SEPTIN5: variants seen among roughly 807,000 people sequenced by gnomAD.
SEPTIN5 encodes the protein septin-5.
A neutral mutation model predicts 51.2 loss-of-function variants in SEPTIN5; 16 were observed. The observed-to-expected ratio is 0.31, with a 90% confidence interval of 0.21 to 0.47. The LOEUF (loss-of-function observed/expected upper bound fraction) is 0.47. Among genes scored for constraint, SEPTIN5 ranks in the 20% least tolerant of loss-of-function variants. The pLI is 0.99. For synonymous variants in SEPTIN5, 208 were observed against 191.2 expected (o/e 1.09, Z -0.72); for missense variants, 376 against 500.3 (o/e 0.75, Z 2.37).
rs1936053900 is a variant in SEPTIN5, at chr22:19,722,155, C to T, written c.951-82C>T. 2.4e-6 allele frequency: 3 copies of T among 1,226,622 alleles called. 1 individual carries two copies. The highest frequency in any genetic ancestry group is 5.1e-5 in the East Asian group (2 of 39,154). 76.0% of individuals were successfully genotyped at this position (1,226,622 alleles called of 1,614,324 possible). On this transcript the variant is annotated intron_variant, in intron 10 of 11. Transcript: ENST00000455784. ...CCGGAGGGCAGGGCCTCAGCAGTGG[C>T]GGGGATGGGCCAGGCATCGCCAGCC...
At position 19,722,225 on chromosome 22, in the gene SEPTIN5, C is replaced by A. The variant is rs554882435; in HGVS notation, c.951-12C>A. The A allele has an allele frequency of 3.8e-6, 6 of 1,567,806 alleles. No homozygotes were observed. Among genetic ancestry groups the A allele is most frequent in the East Asian group, 2.3e-5 (1 of 43,466 alleles). ...GCGCCGCCCCGCCCATCCTCCCCCC[C>A]GCCCCGCGCAGCAAACTGACCCAGG... On this transcript the variant is annotated splice_polypyrimidine_tract_variant and intron_variant, in intron 10 of 11. Transcript: ENST00000455784.
Position 19,722,517 on chromosome 22 carries a change from A to T in SEPTIN5, c.*33A>T. On this transcript the variant is annotated 3_prime_UTR_variant, in exon 12 of 12. Transcript: ENST00000455784. ...CGCGGACACACCGTCCGTCTCCGGGACGCCCTCGCACCCCTGGACACCAGA... is the reference window on the plus strand; with the variant it reads ...CGCGGACACACCGTCCGTCTCCGGGTCGCCCTCGCACCCCTGGACACCAGA... The T allele has an allele frequency of 6.4e-7, 1 of 1,563,630 alleles. No homozygotes were observed. The highest frequency in any genetic ancestry group is 8.7e-7 in the Non-Finnish European group (1 of 1,154,270).
At chr22:19,720,938 C>G in intron 8 of SEPTIN5, 69 bp downstream of exon 8, 1 of 1,382,904 alleles carries the variant, frequency 7.2e-7, no homozygotes, top group Admixed American at 1.7e-5. Flanking sequence ...GGCTTTGTCT[C>G]CTTCACATTG....
rs1173764952 is a variant in SEPTIN5, at chr22:19,714,740, C to T, written c.44-41C>T. On this transcript the variant is annotated intron_variant, in intron 1 of 11. Transcript: ENST00000455784. The surrounding 1 kb of genome is among the most constrained non-coding windows in gnomAD (Gnocchi z 5.2). ...CCCCGCCCGCCGGCCCGGACCCGCT[C>T]GGAACCGGACCCGGACTCGACCCCG... The T allele has an allele frequency of 1.9e-6, 3 of 1,582,274 alleles. No individual in the cohort carries two copies. The highest frequency in any genetic ancestry group is 2.6e-6 in the Non-Finnish European group (3 of 1,171,448).
chr22:19,717,517 CCT>C (rs1419362718), intron 2 of SEPTIN5: 7 of 352,980 alleles, frequency 2.0e-5, no homozygotes, highest in South Asian at 1.0e-4. Context: ...CACCCCCACC[CCT>C]GTCTCTGAGG....
intron 2 of SEPTIN5, chr22:19,719,014 ACG>A: frequency 2.0e-6 from 1 of 492,478 alleles, no homozygotes; most frequent in Non-Finnish European, 3.1e-6. Context: ...CGACTCCAAA[ACG>A]CGGCGGAGAA....
chr22:19,715,581 C>T (rs1935901321), intron 2 of SEPTIN5, among the ~76,000 whole-genome samples: 1 of 152,204 alleles, frequency 6.6e-6, no homozygotes, highest in African/African-American at 2.4e-5. Flanking sequence ...GGCTTGAGCT[C>T]AGCCATCTTT....
chr22:19,721,553 G>A, intron 8 of SEPTIN5, 87 bp from the exon 9 acceptor site: 1 of 1,399,814 alleles, frequency 7.1e-7, no homozygotes, highest in Non-Finnish European at 1.0e-6. Context: ...TGCTGGAGGG[G>A]TGCCCCGGGA....
rs1256599607 is a variant in SEPTIN5 at position 19,720,371 on chromosome 22, T to C, written c.414T>C (p.Arg138=). ...ACCAGCAGTTTGAGCAGTACTTCCGTGATGAGAGCGGCCTCAACCGAAAGA... is the reference window on the plus strand; with the variant it reads ...ACCAGCAGTTTGAGCAGTACTTCCGCGATGAGAGCGGCCTCAACCGAAAGA... ...YVDQQFEQYF[R]DESGLNRKNI... is the part of the protein sequence containing the mutation. The change falls in exon 6 of 12, where the codon CGT becomes CGC. Residue 138 remains arginine, a synonymous_variant. Coordinates refer to ENST00000455784, the MANE Select transcript of SEPTIN5 (RefSeq NM_002688.6). 1 of 1,613,842 alleles carries C rather than the reference T, an allele frequency of 6.2e-7. No homozygotes were observed. Among genetic ancestry groups the C allele is most frequent in the Non-Finnish European group, 8.5e-7 (1 of 1,180,036 alleles).
Position 19,719,527 on chromosome 22 carries a change from G to T in SEPTIN5, c.55-75G>T, listed in dbSNP as rs776998079. ...GTACCCTCTGCTGTCTCCTCATACC[G>T]CATTTGGTAAGAGACAGGGTATTGG... On this transcript the variant is annotated intron_variant, in intron 2 of 11. Coordinates refer to ENST00000455784, the MANE Select transcript of SEPTIN5 (RefSeq NM_002688.6). 1.7e-5 allele frequency: 21 copies of T among 1,205,918 alleles called. No homozygotes were observed. In the East Asian group the frequency reaches 4.2e-4, roughly 24 times the overall value. 74.7% of individuals were successfully genotyped at this position (1,205,918 alleles called of 1,614,324 possible). A position where few individuals can be genotyped will look rare whatever the true frequency, so the allele number is the denominator to read the frequency against.
At position 19,720,578 on chromosome 22, in the gene SEPTIN5, A is replaced by T. The variant is rs772239951; in HGVS notation, c.527A>T (p.Lys176Met). 1 of 1,613,030 alleles carries T rather than the reference A, an allele frequency of 6.2e-7. No homozygotes were observed. The highest frequency in any genetic ancestry group is 8.5e-7 in the Non-Finnish European group (1 of 1,180,014). ...GLRPVDVGFMKALHEKVNIVP... is the reference protein window; with the variant it reads ...GLRPVDVGFMMALHEKVNIVP... ...CGGCCAGTGGATGTGGGTTTCATGA[A>T]GGCATTGCATGAGAAGGTCAACATC... Residue 176 changes from lysine to methionine, a missense_variant, in exon 7 of 12, where the codon AAG becomes ATG. This residue lies in a region of SEPTIN5 where 287 missense variants were observed against 417.1 expected (regional missense o/e 0.69). Coordinates refer to ENST00000455784, the MANE Select transcript of SEPTIN5 (RefSeq NM_002688.6).
chr22:19,722,071 G>GCCC, intron 10 of SEPTIN5, 114 bp downstream of exon 10: 3 of 1,271,436 alleles, frequency 2.4e-6, no homozygotes, highest in South Asian at 1.5e-5. Flanking sequence ...CATTCCCTAA[G>GCCC]CCCCCCCCCT....
In SEPTIN5 at chr22:19,721,853, G is replaced by A. The variant is rs1270270304; in HGVS notation, c.846G>A (p.Lys282=). 2 of 1,606,964 alleles carry A rather than the reference G, an allele frequency of 1.2e-6. No homozygotes were observed. The highest frequency in any genetic ancestry group is 1.7e-6 in the Non-Finnish European group (2 of 1,175,742). The change falls in exon 10 of 12, where the codon AAG becomes AAA. Residue 282 remains lysine (K), a synonymous_variant. Coordinates refer to ENST00000455784, the MANE Select transcript of SEPTIN5 (RefSeq NM_002688.6). ...ACCAGGCGCATTGCGACTTCGTGAA[G>A]CTGCGCAACATGCTCATCCGCACGC... ...VENQAHCDFV[K]LRNMLIRTHM... is the part of the protein sequence containing the mutation.
At chr22:19,721,418 C>T (rs774437715) in intron 8 of SEPTIN5, among the ~76,000 whole-genome samples, 1 of 152,090 alleles carries the variant, frequency 6.6e-6, no homozygotes, top group Non-Finnish European at 1.5e-5. Flanking sequence ...GGGAGCATGC[C>T]TGGTTGGGCA....
rs1210270915 is a variant in SEPTIN5, at chr22:19,718,414, G to GC, written c.55-1182dup. 2.4e-5 allele frequency: 25 copies of GC among 1,052,264 alleles called. No homozygotes were observed. In the Middle Eastern group the frequency reaches 1.7e-3, roughly 72 times the overall value. The allele number at this position is 1,052,264 out of a possible 1,614,324, so 65.2% of individuals were successfully genotyped here. ...GACGGCGGGCGGGGCCGTCTCTGCC[G>GC]CCCCCCGCCGCGCGCTCCGCGGGCG... On this transcript the variant is annotated intron_variant, in intron 2 of 11. Coordinates refer to ENST00000455784, the MANE Select transcript of SEPTIN5 (RefSeq NM_002688.6).
At chr22:19,720,078 G>C (rs773386731) in intron 4 of SEPTIN5, 37 bp from the exon 5 acceptor site, 21 of 1,612,330 alleles carry the variant, frequency 1.3e-5, no homozygotes, top group Admixed American at 3.3e-5. Flanking sequence ...AGGGGCTGAG[G>C]GTTGGAGAGG....
intron 8 of SEPTIN5, 63 bp downstream of exon 8, chr22:19,720,932 T>G: frequency 7.0e-7 from 1 of 1,433,772 alleles, no homozygotes; most frequent in Admixed American, 1.7e-5. Context: ...CCAGAGGGCT[T>G]TGTCTCCTTC....
In SEPTIN5 at chr22:19,722,986, T is replaced by A; in HGVS notation, c.*502T>A. ...AGACGCCTAGCGGGCAGGGTTGGGC[T>A]GAATCAAATGGGAGCCCTCCAGACA... On this transcript the variant is annotated 3_prime_UTR_variant, in exon 12 of 12. Coordinates refer to ENST00000455784, the MANE Select transcript of SEPTIN5 (RefSeq NM_002688.6). 1 of 444,962 alleles carries A rather than the reference T, an allele frequency of 2.2e-6. No individual in the cohort carries two copies. The highest frequency in any genetic ancestry group is 4.2e-6 in the Non-Finnish European group (1 of 235,316). The allele number at this position is 444,962 out of a possible 1,614,324, so 27.6% of individuals were successfully genotyped here.
Position 19,714,537 on chromosome 22 carries a change from C to A in SEPTIN5, c.-52C>A. 7.8e-7 allele frequency: 1 copy of A among 1,290,284 alleles called. No homozygotes were observed. Among genetic ancestry groups the A allele is most frequent in the Non-Finnish European group, 9.9e-7 (1 of 1,012,724 alleles). 79.9% of individuals were successfully genotyped at this position (1,290,284 alleles called of 1,614,324 possible). On this transcript the variant is annotated 5_prime_UTR_variant, in exon 1 of 12. Transcript: ENST00000455784. This position sits in a 1 kb window ranked among gnomAD's most constrained non-coding sequence, Gnocchi z 5.2. ...CCCGGCCTCGGCCTCCGCCGCTTGT[C>A]GTCGCGCCCCGCCCGCGAGCCCGCC...
Sources: allele counts gnomAD v4.1 joint callset (sites outside exome capture counted in the v4.1 genomes callset), GRCh38; gene constraint gnomAD v4.1.1; regional missense constraint gnomAD v4.1.1; non-coding constraint Gnocchi (gnomAD v3.1); transcripts MANE v1.5; gene names NCBI Gene and HGNC (gene_info 2026-07-23, HGNC 2026-07-21).